ENTREP3: variants seen among roughly 807,000 people sequenced by gnomAD.
ENTREP3 encodes endosomal transmembrane epsin interactor 3, also known as protein ENTREP3.
chr1:155,255,308 C>G, the ENTREP3 span: 1 of 202,966 alleles, frequency 4.9e-6, no homozygotes, highest in Non-Finnish European at 1.0e-5. The surrounding 1 kb of genome is among the most constrained non-coding windows in gnomAD (Gnocchi z 5.6). Context: ...TGGGGTGACT[C>G]TAGAGGCGCG....
the ENTREP3 span, chr1:155,247,327 C>G: frequency 2.2e-6 from 1 of 463,312 alleles, no homozygotes. Context: ...ATAGCTTGCC[C>G]AAGGTCATGC....
the ENTREP3 span, chr1:155,251,703 C>T: frequency 6.2e-7 from 1 of 1,612,044 alleles, no homozygotes; most frequent in East Asian, 2.2e-5. Context: ...CCTTCCTTAG[C>T]TCCCCCAGCA....
the ENTREP3 span, chr1:155,254,018 C>G: frequency 1.2e-6 from 2 of 1,612,906 alleles, no homozygotes; most frequent in African/African-American, 1.3e-5. This position sits in a 1 kb window ranked among gnomAD's most constrained non-coding sequence, Gnocchi z 4.4. Flanking sequence ...TGAGTCAGGA[C>G]AAACTGAGGT....
At chr1:155,248,123 A>G in the ENTREP3 span, 1 of 1,614,018 alleles carries the variant, frequency 6.2e-7, no homozygotes, top group African/African-American at 1.3e-5. Flanking sequence ...ACGAGTGACC[A>G]GGCCCCGACC....
At chr1:155,248,241 C>A in the ENTREP3 span, 1 of 1,604,176 alleles carries the variant, frequency 6.2e-7, no homozygotes, top group African/African-American at 1.3e-5. Context: ...GCTGACCGGG[C>A]ACGTAGCAAC....
the ENTREP3 span, chr1:155,248,114 C>T: frequency 4.4e-5 from 71 of 1,614,044 alleles, no homozygotes; most frequent in South Asian, 7.1e-4. Context: ...CTGGAGGAAA[C>T]GAGTGACCAG....
chr1:155,253,483 C>T, the ENTREP3 span: 1 of 612,038 alleles, frequency 1.6e-6, no homozygotes, highest in East Asian at 2.9e-5. Context: ...TCCATTCCTC[C>T]AATAGATGAG....
the ENTREP3 span, chr1:155,250,606 G>A: frequency 2.5e-6 from 4 of 1,607,990 alleles, no homozygotes; most frequent in South Asian, 1.1e-5. This position sits in a 1 kb window ranked among gnomAD's most constrained non-coding sequence, Gnocchi z 5.4. Flanking sequence ...CGTGGGGGGC[G>A]CCGTGGCAGG....
At chr1:155,250,217 C>T in the ENTREP3 span, 2 of 1,444,324 alleles carry the variant, frequency 1.4e-6, no homozygotes, top group African/African-American at 1.5e-5. The surrounding 1 kb of genome is among the most constrained non-coding windows in gnomAD (Gnocchi z 5.4). Context: ...GCATCACTGG[C>T]CACCTAACTC....
At chr1:155,248,227 C>T in the ENTREP3 span, 2 of 1,606,724 alleles carry the variant, frequency 1.2e-6, no homozygotes, top group South Asian at 1.1e-5. Context: ...GGCGCCGTTT[C>T]TCGGCTGACC....
the ENTREP3 span, chr1:155,247,906 C>A: frequency 6.3e-7 from 1 of 1,588,580 alleles, no homozygotes. Context: ...TCCGCAGCTG[C>A]GAAGGTGGAG....
chr1:155,248,233 T>G, the ENTREP3 span: 1 of 1,605,660 alleles, frequency 6.2e-7, no homozygotes, highest in Non-Finnish European at 8.5e-7. Context: ...GTTTCTCGGC[T>G]GACCGGGCAC....
At chr1:155,248,465 T>G in the ENTREP3 span, 1 of 1,613,522 alleles carries the variant, frequency 6.2e-7, no homozygotes, top group South Asian at 1.1e-5. Flanking sequence ...TAAAGGTCCC[T>G]GAAGTCAGCT....
the ENTREP3 span, chr1:155,250,680 C>T: frequency 4.3e-6 from 7 of 1,612,492 alleles, no homozygotes; most frequent in Non-Finnish European, 5.9e-6. This position sits in a 1 kb window ranked among gnomAD's most constrained non-coding sequence, Gnocchi z 5.4. Context: ...GGCACGGCTG[C>T]GCTGGATGGA....
the ENTREP3 span, chr1:155,247,984 T>C: frequency 1.2e-6 from 2 of 1,609,786 alleles, no homozygotes; most frequent in Non-Finnish European, 1.7e-6. Flanking sequence ...AAGGGCATCA[T>C]CAATAAGGCT....
chr1:155,255,138 C>A, the ENTREP3 span: 1 of 570,386 alleles, frequency 1.8e-6, no homozygotes, highest in Non-Finnish European at 3.1e-6. The surrounding 1 kb of genome is among the most constrained non-coding windows in gnomAD (Gnocchi z 5.6). Flanking sequence ...GATGAGGACG[C>A]GGGGGCACCG....
chr1:155,253,312 T>C, the ENTREP3 span: 8 of 274,442 alleles, frequency 2.9e-5, no homozygotes, highest in East Asian at 6.1e-4. Flanking sequence ...CTCAAAGTGC[T>C]GGGATTACAG....
chr1:155,247,939 CACAGGCTCCGGGG>C, the ENTREP3 span: 2 of 1,601,536 alleles, frequency 1.2e-6, no homozygotes, highest in Non-Finnish European at 1.7e-6. Flanking sequence ...AGGCCGGCCC[CACAGGCTCCGGGG>C]CACCTGGACA....
chr1:155,254,654 G>A, the ENTREP3 span: 21 of 1,606,836 alleles, frequency 1.3e-5, no homozygotes, highest in Admixed American at 3.3e-5. The surrounding 1 kb of genome is among the most constrained non-coding windows in gnomAD (Gnocchi z 4.4). Context: ...CCAACTCACC[G>A]AGAACCCAGC....
Sources: allele counts gnomAD v4.1 joint callset, GRCh38; gene constraint gnomAD v4.1.1; non-coding constraint Gnocchi (gnomAD v3.1); transcripts MANE v1.5; gene names NCBI Gene and HGNC (gene_info 2026-07-23, HGNC 2026-07-21).